TMC1: variants seen among roughly 807,000 people sequenced by gnomAD.
The protein encoded by TMC1 is transmembrane channel like 1, also known as transmembrane channel-like protein 1.
A neutral mutation model predicts 105.8 loss-of-function variants in TMC1; 84 were observed. The ratio of observed to expected loss-of-function variants is 0.79; its 90% confidence interval spans 0.67 to 0.95. The LOEUF (loss-of-function observed/expected upper bound fraction) is 0.95, where lower values mean the gene tolerates loss of function less well. Among genes scored for constraint, TMC1 ranks in the 40% least tolerant of loss-of-function variants. TMC1 has a pLI of 0.00. For synonymous variants in TMC1, 315 were observed against 311.5 expected, an observed-to-expected ratio of 1.01 and a Z score of -0.12; for missense variants, 817 against 914.1, an observed-to-expected ratio of 0.89 and a Z score of 1.37.
At chr9:72,688,878 A>G in intron 6 of TMC1, 122 bp downstream of exon 6, 1 of 841,518 alleles carries the variant, frequency 1.2e-6, no homozygotes, top group Non-Finnish European at 2.0e-6. Flanking sequence ...ATAACTTTTC[A>G]TGGTCTCACA....
intron 1 of TMC1, among the ~76,000 whole-genome samples, chr9:72,564,824 C>T (rs1390225524): frequency 2.0e-5 from 3 of 152,168 alleles, no homozygotes; most frequent in Non-Finnish European, 4.4e-5. Flanking sequence ...CCTGACTGTG[C>T]CACTTTGTGG....
At chr9:72,609,065 CTCT>C (rs1057244944) in intron 2 of TMC1, among the ~76,000 whole-genome samples, 22 of 152,094 alleles carry the variant, frequency 1.4e-4, no homozygotes, top group African/African-American at 5.3e-4. Context: ...TACTCCCCTC[CTCT>C]TTTCTTCCTT....
At chr9:72,672,948 G>A (rs777279818) in intron 5 of TMC1, among the ~76,000 whole-genome samples, 3 of 151,962 alleles carry the variant, frequency 2.0e-5, no homozygotes, top group Admixed American at 6.6e-5. Context: ...TATTTAGCAT[G>A]ATATGCTATA....
intron 13 of TMC1, among the ~76,000 whole-genome samples, chr9:72,782,635 C>T (rs921301176): frequency 5.3e-5 from 8 of 152,202 alleles, no homozygotes; most frequent in African/African-American, 1.9e-4. Context: ...AACCAATGTA[C>T]ATTTCTATAC....
chr9:72,618,439 TTAAAC>T (rs1424514600), intron 3 of TMC1, among the ~76,000 whole-genome samples: 5 of 152,150 alleles, frequency 3.3e-5, no homozygotes, highest in Non-Finnish European at 7.4e-5. Flanking sequence ...AAGAAACACA[TTAAAC>T]TAACTGTAAG....
At chr9:72,550,512 G>A (rs1823842945) in intron 1 of TMC1, among the ~76,000 whole-genome samples, 1 of 151,484 alleles carries the variant, frequency 6.6e-6, no homozygotes, top group South Asian at 2.1e-4. Context: ...CAAAAAATTA[G>A]CAGGGCAAGC....
At chr9:72,745,969 G>A (rs1827482300) in intron 10 of TMC1, among the ~76,000 whole-genome samples, 1 of 152,120 alleles carries the variant, frequency 6.6e-6, no homozygotes, top group South Asian at 2.1e-4. Context: ...ACATGTATAT[G>A]TAGGCATGTG....
chr9:72,821,105 T>C (rs773779882), intron 20 of TMC1, 24 bp downstream of exon 20: 1 of 1,614,132 alleles, frequency 6.2e-7, no homozygotes, highest in Non-Finnish European at 8.5e-7. Flanking sequence ...GAAATTTGAC[T>C]CAGGCATCGT....
intron 5 of TMC1, among the ~76,000 whole-genome samples, chr9:72,671,373 C>T (rs1011363702): frequency 2.0e-5 from 3 of 152,170 alleles, no homozygotes; most frequent in African/African-American, 7.2e-5. Flanking sequence ...GAGTGACCGT[C>T]CTGCTTCTGC....
intron 4 of TMC1, among the ~76,000 whole-genome samples, chr9:72,641,096 T>C (rs1292972531): frequency 2.0e-5 from 3 of 152,186 alleles, no homozygotes; most frequent in African/African-American, 7.2e-5. Flanking sequence ...GTTTTATTTA[T>C]TTATTTTTTC....
At chr9:72,692,147 A>G (rs1017387736) in intron 6 of TMC1, among the ~76,000 whole-genome samples, 4 of 152,194 alleles carry the variant, frequency 2.6e-5, no homozygotes, top group African/African-American at 7.2e-5. Context: ...TCAAACGGCT[A>G]TCTTTGCTCT....
intron 4 of TMC1, among the ~76,000 whole-genome samples, chr9:72,644,766 G>A (rs1588008473): frequency 1.3e-5 from 2 of 152,112 alleles, no homozygotes; most frequent in Non-Finnish European, 2.9e-5. Flanking sequence ...TGGAAAATGT[G>A]TATTATAACA....
At chr9:72,788,191 C>G in intron 13 of TMC1, 148 bp from the exon 14 acceptor site, 2 of 832,564 alleles carry the variant, frequency 2.4e-6, no homozygotes, top group Non-Finnish European at 1.9e-6. Flanking sequence ...TAAAAAGAAA[C>G]TATTTTCTGG....
At chr9:72,742,420 T>G in intron 9 of TMC1, 24 bp from the exon 10 acceptor site, 1 of 1,604,106 alleles carries the variant, frequency 6.2e-7, no homozygotes, top group South Asian at 1.1e-5. Context: ...TGGACTTTAC[T>G]TTTGTATTTG....
intron 1 of TMC1, among the ~76,000 whole-genome samples, chr9:72,570,156 C>T (rs146903105): frequency 1.4e-3 from 210 of 151,670 alleles, no homozygotes; most frequent in African/African-American, 4.8e-3. Context: ...TAGTTATTGG[C>T]TTCTGAGAAC....
At chr9:72,787,019 A>G (rs568747432) in intron 13 of TMC1, among the ~76,000 whole-genome samples, 137 of 143,652 alleles carry the variant, frequency 9.5e-4, no homozygotes, top group East Asian at 3.0e-3. Flanking sequence ...TTGGCCTCCA[A>G]AAAAAAAAAA....
chr9:72,694,315 A>G (rs1022269374), intron 6 of TMC1, among the ~76,000 whole-genome samples: 1 of 152,190 alleles, frequency 6.6e-6, no homozygotes, highest in Admixed American at 6.6e-5. Flanking sequence ...GGGAATCCAC[A>G]TTCACCTATT....
intron 20 of TMC1, 60 bp from the exon 21 acceptor site, chr9:72,826,809 T>G: frequency 2.5e-6 from 4 of 1,584,128 alleles, no homozygotes; most frequent in Admixed American, 3.3e-5. Context: ...TTTCTTGCTT[T>G]AACCATGGTT....
At chr9:72,659,489 C>G (rs1825936888) in intron 5 of TMC1, among the ~76,000 whole-genome samples, 1 of 152,120 alleles carries the variant, frequency 6.6e-6, no homozygotes, top group Non-Finnish European at 1.5e-5. Flanking sequence ...AAAAAATTAG[C>G]CAGGTGTGGT....
Sources: allele counts gnomAD v4.1 joint callset (sites outside exome capture counted in the v4.1 genomes callset), GRCh38; gene constraint gnomAD v4.1.1; transcripts MANE v1.5; gene names NCBI Gene and HGNC (gene_info 2026-07-23, HGNC 2026-07-21).